SSH2: variants seen among roughly 807,000 people sequenced by gnomAD.
The protein encoded by SSH2 is slingshot protein phosphatase 2.
SSH2 carries 37 observed loss-of-function variants against 135.2 expected under a neutral mutation model. The observed-to-expected ratio is 0.27, with a 90% CI of 0.21 to 0.36. The LOEUF is 0.36. SSH2 is among the 10% of genes least tolerant of loss of function. The pLI is 1.00. For synonymous variants in SSH2, 628 were observed against 646.2 expected, an observed-to-expected ratio of 0.97 and a Z score of 0.43; for missense variants, 1,408 against 1,765.3, an observed-to-expected ratio of 0.80 and a Z score of 3.63.
intron 14 of SSH2, among the ~76,000 whole-genome samples, chr17:29,643,617 C>T (rs1336902819): frequency 2.0e-5 from 3 of 151,992 alleles, no homozygotes; most frequent in Non-Finnish European, 4.4e-5. Flanking sequence ...CTCAGCCTCC[C>T]GAGTAGCTGG....
At chr17:29,841,269 A>C (rs1209888356) in intron 2 of SSH2, among the ~76,000 whole-genome samples, 1 of 152,244 alleles carries the variant, frequency 6.6e-6, no homozygotes, top group African/African-American at 2.4e-5. Flanking sequence ...AAAGCACAAG[A>C]TAAGTACACT....
chr17:29,899,879 C>T (rs1348314865), intron 1 of SSH2, among the ~76,000 whole-genome samples: 1 of 152,174 alleles, frequency 6.6e-6, no homozygotes, highest in African/African-American at 2.4e-5. Flanking sequence ...TGACTTCAAA[C>T]TATGCTACAA....
intron 2 of SSH2, among the ~76,000 whole-genome samples, chr17:29,847,542 T>C (rs1263654573): frequency 1.3e-5 from 2 of 152,160 alleles, no homozygotes; most frequent in African/African-American, 4.8e-5. Context: ...GGAGAGCTCA[T>C]TAGTTTTCCT....
At chr17:29,807,444 T>C (rs1397161740) in intron 2 of SSH2, among the ~76,000 whole-genome samples, 1 of 152,168 alleles carries the variant, frequency 6.6e-6, no homozygotes, top group Non-Finnish European at 1.5e-5. Context: ...ATAATCAATA[T>C]ACTCACTGAG....
intron 3 of SSH2, among the ~76,000 whole-genome samples, chr17:29,709,023 G>T (rs866736972): frequency 0.045 from 4,954 of 109,778 alleles, 103 homozygotes; most frequent in Non-Finnish European, 0.051. Flanking sequence ...TATAGAGAGA[G>T]AGAGAGAGAG....
chr17:29,779,989 G>A (rs1198745536), intron 3 of SSH2, among the ~76,000 whole-genome samples: 1 of 151,876 alleles, frequency 6.6e-6, no homozygotes, highest in Non-Finnish European at 1.5e-5. Context: ...TTGGGAGGCC[G>A]CCGGATCACC....
intron 6 of SSH2, among the ~76,000 whole-genome samples, chr17:29,682,062 G>C (rs1327112359): frequency 6.6e-6 from 1 of 152,132 alleles, no homozygotes; most frequent in African/African-American, 2.4e-5. Context: ...ATTCAGACAG[G>C]GCCATTGGCA....
At chr17:29,895,252 C>T (rs1341226371) in intron 1 of SSH2, among the ~76,000 whole-genome samples, 4 of 130,254 alleles carry the variant, frequency 3.1e-5, no homozygotes, top group South Asian at 4.6e-4. Context: ...ATTATATATA[C>T]ATTTTATATA....
intron 4 of SSH2, among the ~76,000 whole-genome samples, chr17:29,695,820 G>T (rs1027568801): frequency 6.6e-6 from 1 of 152,128 alleles, no homozygotes; most frequent in Non-Finnish European, 1.5e-5. Flanking sequence ...TGAGAGACTT[G>T]TTGGTGAGAT....
At chr17:29,928,454 CA>C (rs1479040290) in intron 1 of SSH2, 4 of 398,254 alleles carry the variant, frequency 1.0e-5, no homozygotes, top group African/African-American at 6.2e-5. Context: ...AAATGTTCTC[CA>C]GCCTTTGCTT....
chr17:29,845,164 C>T (rs112700592), intron 2 of SSH2, among the ~76,000 whole-genome samples: 4 of 152,174 alleles, frequency 2.6e-5, no homozygotes, highest in Admixed American at 6.5e-5. Flanking sequence ...GAAAGTTCTT[C>T]GACGATTGAC....
At chr17:29,887,297 C>T (rs1026630758) in intron 1 of SSH2, among the ~76,000 whole-genome samples, 2 of 151,990 alleles carry the variant, frequency 1.3e-5, no homozygotes, top group African/African-American at 2.4e-5. Flanking sequence ...ATTATAACTA[C>T]GAAATTATTT....
intron 3 of SSH2, among the ~76,000 whole-genome samples, chr17:29,738,632 C>T (rs2040453409): frequency 6.6e-6 from 1 of 151,036 alleles, no homozygotes; most frequent in South Asian, 2.1e-4. Context: ...TGGCTCACTG[C>T]AAGCTGCGGC....
intron 1 of SSH2, among the ~76,000 whole-genome samples, chr17:29,870,269 C>A (rs1599119773): frequency 2.5e-5 from 3 of 119,740 alleles, no homozygotes; most frequent in African/African-American, 3.3e-5. Flanking sequence ...ATTTCTAAAG[C>A]AGAATAGGTA....
At position 29,822,839 on chromosome 17, in the gene SSH2, C is replaced by CT. The variant is rs548960351; in HGVS notation, c.144+26009_144+26010insA. On this transcript the variant is annotated intron_variant, in intron 2 of 15. Coordinates refer to ENST00000540801, the MANE Select transcript of SSH2 (RefSeq NM_001282129.2). Reference sequence around the variant, plus strand: ...TCACTAATAAGGTAGGGATAATCTTCACTACCTAATCACATCTGCAAAGTG... The same window carrying CT: ...TCACTAATAAGGTAGGGATAATCTTCTACTACCTAATCACATCTGCAAAGTG... Among the ~76,000 whole-genome samples the CT allele has an allele frequency of 6.1e-3, 932 of 152,292 alleles. 9 individuals are homozygous for CT. The highest frequency in any genetic ancestry group is 7.0e-3 in the Non-Finnish European group (477 of 68,012).
intron 1 of SSH2, among the ~76,000 whole-genome samples, chr17:29,885,436 C>T (rs1420338695): frequency 6.6e-6 from 1 of 151,080 alleles, no homozygotes; most frequent in African/African-American, 2.4e-5. Context: ...CTGAGTGACA[C>T]GAGTGATAGA....
At chr17:29,675,619 C>T (rs1347008981) in intron 8 of SSH2, among the ~76,000 whole-genome samples, 1 of 151,826 alleles carries the variant, frequency 6.6e-6, no homozygotes, top group African/African-American at 2.4e-5. Context: ...CACAGAGAGA[C>T]CCCCGTCTCC....
At chr17:29,744,860 AGTGTGTGTGTGTGTGT>A (rs71689248) in intron 3 of SSH2, among the ~76,000 whole-genome samples, 18 of 140,424 alleles carry the variant, frequency 1.3e-4, no homozygotes, top group African/African-American at 3.9e-4. Context: ...GGATTACTTG[AGTGTGTGTGTGTGTGT>A]GTGTGTGTGT....
chr17:29,857,526 G>A (rs2065684270), intron 1 of SSH2, among the ~76,000 whole-genome samples: 1 of 152,158 alleles, frequency 6.6e-6, no homozygotes, highest in African/African-American at 2.4e-5. Context: ...GAGTCTTGCT[G>A]TCACCCAGGC....
Sources: gnomAD v4.1 joint callset for allele counts (sites outside exome capture counted in the v4.1 genomes callset) on GRCh38, gnomAD v4.1.1 for gene constraint, MANE v1.5 for transcripts, NCBI Gene and HGNC (gene_info 2026-07-23, HGNC 2026-07-21) for gene names.